PALLD: variants seen among roughly 807,000 people sequenced by gnomAD.
The protein encoded by PALLD is palladin, cytoskeletal associated protein.
A neutral mutation model predicts 123.5 loss-of-function variants in PALLD; 61 were observed. That is an observed-to-expected ratio of 0.49 (90% CI 0.40 to 0.61). The LOEUF is 0.61. PALLD is among the 20% of genes least tolerant of loss of function. The probability of loss-of-function intolerance (pLI) is 0.00; values close to 1 mark genes in which losing one functional copy is unlikely to be tolerated. For synonymous variants in PALLD, 465 were observed against 496.4 expected, an observed-to-expected ratio of 0.94 and a Z score of 0.84; for missense variants, 1,273 against 1,377.0, an observed-to-expected ratio of 0.92 and a Z score of 1.20.
chr4:168,785,237 G>A (rs1308817928), intron 10 of PALLD, among the ~76,000 whole-genome samples: 2 of 152,054 alleles, frequency 1.3e-5, no homozygotes, highest in African/African-American at 4.8e-5. Context: ...GGGGAGCACT[G>A]TGCGCTCTCG....
chr4:168,635,578 G>A (rs962085712), intron 2 of PALLD, among the ~76,000 whole-genome samples: 3 of 152,214 alleles, frequency 2.0e-5, no homozygotes, highest in Admixed American at 6.5e-5. Flanking sequence ...TCCATTACAA[G>A]CTATCAGATA....
At chr4:168,628,021 T>C (rs1472464505) in intron 2 of PALLD, among the ~76,000 whole-genome samples, 1 of 152,224 alleles carries the variant, frequency 6.6e-6, no homozygotes, top group African/African-American at 2.4e-5. Context: ...ACATTGCTAG[T>C]GGAAGTGTAA....
chr4:168,710,841 A>G (rs910451474), intron 9 of PALLD, among the ~76,000 whole-genome samples: 2 of 152,166 alleles, frequency 1.3e-5, no homozygotes, highest in African/African-American at 2.4e-5. Context: ...ATTTGTGTGT[A>G]ATATTTTCCA....
intron 10 of PALLD, among the ~76,000 whole-genome samples, chr4:168,722,082 C>T (rs1252926565): frequency 1.3e-5 from 2 of 152,118 alleles, no homozygotes; most frequent in East Asian, 3.9e-4. Context: ...TCTCACTCTG[C>T]CACCCAGGCT....
intron 10 of PALLD, among the ~76,000 whole-genome samples, chr4:168,714,499 A>C (rs1025084850): frequency 2.6e-5 from 4 of 152,224 alleles, no homozygotes; most frequent in Non-Finnish European, 5.9e-5. Context: ...TGAGTTATTG[A>C]TAATGAATGA....
chr4:168,560,141 C>A (rs1285210603), intron 2 of PALLD, among the ~76,000 whole-genome samples: 1 of 152,110 alleles, frequency 6.6e-6, no homozygotes, highest in East Asian at 1.9e-4. Context: ...CAGACATGAG[C>A]TGAAATGGGT....
chr4:168,879,308 T>A (rs1704607550), intron 10 of PALLD, among the ~76,000 whole-genome samples: 1 of 152,132 alleles, frequency 6.6e-6, no homozygotes, highest in Non-Finnish European at 1.5e-5. Flanking sequence ...AGTACAGGTG[T>A]TAGGCATGTT....
At chr4:168,888,670 G>T (rs1753705883) in intron 10 of PALLD, among the ~76,000 whole-genome samples, 1 of 152,058 alleles carries the variant, frequency 6.6e-6, no homozygotes, top group Non-Finnish European at 1.5e-5. Context: ...AGTCTCATTG[G>T]CCCAGGCTAT....
chr4:168,580,558 A>G (rs1770151374), intron 2 of PALLD, among the ~76,000 whole-genome samples: 1 of 152,138 alleles, frequency 6.6e-6, no homozygotes, highest in Non-Finnish European at 1.5e-5. Flanking sequence ...TGTGGAAAGC[A>G]GTATGGAAAT....
intron 2 of PALLD, among the ~76,000 whole-genome samples, chr4:168,643,151 T>C (rs181303848): frequency 6.6e-5 from 10 of 152,284 alleles, no homozygotes; most frequent in South Asian, 6.2e-4. Context: ...TCTGAGAGCA[T>C]TATGGCAAAA....
intron 2 of PALLD, among the ~76,000 whole-genome samples, chr4:168,650,486 T>C (rs774192914): frequency 6.6e-6 from 1 of 152,244 alleles, no homozygotes; most frequent in Non-Finnish European, 1.5e-5. Flanking sequence ...TCCTTTTTGA[T>C]GGACATTTAG....
intron 2 of PALLD, among the ~76,000 whole-genome samples, chr4:168,610,969 T>C (rs190001161): frequency 6.6e-6 from 1 of 152,284 alleles, no homozygotes; most frequent in East Asian, 1.9e-4. Context: ...CACAGGTATA[T>C]TATCAAATCT....
rs185236574 is a variant in PALLD at position 168,864,175 on chromosome 4, G to A, written c.1965-26747G>A. On this transcript the variant is annotated intron_variant, in intron 10 of 21. Transcript: ENST00000505667. ...GTGTTACTCAGACATAGAACCACGGGACAGTCAGCTACACATTACTTCTAG... is the reference window on the plus strand; with the variant it reads ...GTGTTACTCAGACATAGAACCACGGAACAGTCAGCTACACATTACTTCTAG... 1.6e-4 allele frequency among the ~76,000 whole-genome samples: 25 copies of A among 152,292 alleles called. 2 individuals carry two copies. The East Asian group carries it at 4.8e-3, about 29-fold the overall frequency.
intron 2 of PALLD, among the ~76,000 whole-genome samples, chr4:168,625,698 T>A (rs562273459): frequency 1.3e-5 from 2 of 151,478 alleles, no homozygotes; most frequent in Non-Finnish European, 2.9e-5. Flanking sequence ...GAACAGAAAA[T>A]CAAAACCCCA....
At chr4:168,838,050 C>T (rs1178227618) in intron 10 of PALLD, among the ~76,000 whole-genome samples, 3 of 152,120 alleles carry the variant, frequency 2.0e-5, no homozygotes, top group Non-Finnish European at 2.9e-5. Context: ...CAAAATCAGT[C>T]CAGGAGTACA....
At chr4:168,505,256 G>C (rs958554419) in intron 1 of PALLD, among the ~76,000 whole-genome samples, 1 of 152,202 alleles carries the variant, frequency 6.6e-6, no homozygotes, top group Non-Finnish European at 1.5e-5. Flanking sequence ...TGTGCAAGCA[G>C]TTTTAAAGCT....
intron 19 of PALLD, 60 bp downstream of exon 19, chr4:168,924,480 G>A: frequency 6.9e-7 from 1 of 1,442,994 alleles, no homozygotes. Context: ...TGTATCAAAA[G>A]ATACATTTTA....
At position 168,685,221 on chromosome 4, in the gene PALLD, G is replaced by A. The variant is rs7685882; in HGVS notation, c.1261-264G>A. 0.058 allele frequency among the ~76,000 whole-genome samples: 8,854 copies of A among 152,242 alleles called. 288 individuals are homozygous for A. Among genetic ancestry groups the A allele is most frequent in the African/African-American group, 0.098 (4,061 of 41,532 alleles). ...ACACACAGAAATCCATTTGGTAATAGCATTTAAAAGCTCGTGGATCCCCAA... is the reference window on the plus strand; with the variant it reads ...ACACACAGAAATCCATTTGGTAATAACATTTAAAAGCTCGTGGATCCCCAA... On this transcript the variant is annotated intron_variant, in intron 5 of 21. Coordinates refer to ENST00000505667, the MANE Select transcript of PALLD (RefSeq NM_001166108.2).
intron 2 of PALLD, among the ~76,000 whole-genome samples, chr4:168,542,322 G>A (rs1470453205): frequency 2.0e-5 from 3 of 151,906 alleles, no homozygotes; most frequent in Non-Finnish European, 4.4e-5. Flanking sequence ...AGGCTGAGAT[G>A]GGAGGGTGAC....
Sources: gnomAD v4.1 joint callset for allele counts (sites outside exome capture counted in the v4.1 genomes callset) on GRCh38, gnomAD v4.1.1 for gene constraint, MANE v1.5 for transcripts, NCBI Gene and HGNC (gene_info 2026-07-23, HGNC 2026-07-21) for gene names.